The following HDAC10 variants were observed in gnomAD, a reference collection of about 807,000 sequenced individuals.
HDAC10 encodes the protein histone deacetylase 10.
HDAC10 carries 90 observed loss-of-function variants against 82.3 expected under a neutral mutation model. The observed-to-expected ratio is 1.09, with a 90% CI of 0.92 to 1.30. The LOEUF (loss-of-function observed/expected upper bound fraction) is 1.30, where lower values mean the gene tolerates loss of function less well. HDAC10 is among the 50% of genes most tolerant of loss of function. The pLI, the probability that HDAC10 is intolerant of heterozygous loss-of-function variation, is 0.00. For missense variants in HDAC10, 934 were observed against 876.3 expected (o/e 1.07, Z -0.83); for synonymous variants, 456 against 391.7 (o/e 1.16, Z -1.94).
Position 50,248,507 on chromosome 22 carries a change from A to G in HDAC10, c.907-35T>C, listed in dbSNP as rs752403430. 1 of 1,581,522 alleles carries G rather than the reference A, an allele frequency of 6.3e-7. No individual in the cohort carries two copies. Among genetic ancestry groups the G allele is most frequent in the Admixed American group, 1.7e-5 (1 of 57,616 alleles). Reference sequence around the variant, plus strand: ...GGGTGGAGACATGATTGGGGCAGAGATATCACTGGGATGGGATGTCACCGG... The same window carrying G: ...GGGTGGAGACATGATTGGGGCAGAGGTATCACTGGGATGGGATGTCACCGG... On this transcript the variant is annotated intron_variant, in intron 10 of 19. Transcript: ENST00000216271. The surrounding 1 kb of genome is among the most constrained non-coding windows in gnomAD (Gnocchi z 5.4).
rs1221881827 is a variant in HDAC10, at chr22:50,251,018, A to G, written c.15T>C (p.Leu5=). 1 of 1,611,842 alleles carries G rather than the reference A, an allele frequency of 6.2e-7. No homozygotes were observed. Among genetic ancestry groups the G allele is most frequent in the Admixed American group, 1.7e-5 (1 of 59,994 alleles). ...TGGCCGTCATGTCCTCATGGTACAC[A>G]AGCGCGGTCCCCATGGCTGCGCCGT... The part of the protein sequence containing the change: MGTA[L]VYHEDMTATR... The change falls in exon 1 of 20, where the codon CTT becomes CTC. Residue 5 remains leucine, a synonymous_variant. Coordinates refer to ENST00000216271, the MANE Select transcript of HDAC10 (RefSeq NM_032019.6).
At position 50,248,267 on chromosome 22, in the gene HDAC10, G is replaced by A. The variant is rs775058529; in HGVS notation, c.1039C>T (p.Arg347Cys). The A allele has an allele frequency of 3.6e-5, 58 of 1,612,334 alleles. No homozygotes were observed. Among genetic ancestry groups the A allele is most frequent in the Admixed American group, 5.0e-5 (3 of 59,984 alleles). Residue 347 changes from arginine (R) to cysteine (C), a missense_variant, in exon 12 of 20, where the codon CGT (arginine) becomes TGT (cysteine). Physicochemically the swap from Arg to Cys is radical, Grantham distance 180. Coordinates refer to ENST00000216271, the MANE Select transcript of HDAC10 (RefSeq NM_032019.6). The surrounding 1 kb of genome is among the most constrained non-coding windows in gnomAD (Gnocchi z 5.4). ...TTCCAGTGCGGGGCCTGGGCAGCACGGGCACTCTGGATGGACTCTAGGGCA... is the reference window on the plus strand; with the variant it reads ...TTCCAGTGCGGGGCCTGGGCAGCACAGGCACTCTGGATGGACTCTAGGGCA... ...QSALESIQSA[R>C]AAQAPHWKSL... is the part of the protein sequence containing the mutation.
intron 2 of HDAC10, 28 bp from the exon 3 acceptor site, chr22:50,250,551 G>A: frequency 1.3e-6 from 2 of 1,571,666 alleles, no homozygotes; most frequent in Non-Finnish European, 1.7e-6. Flanking sequence ...GGCAGGAGAG[G>A]CAGGGTCACC....
At position 50,250,415 on chromosome 22, in the gene HDAC10, G is replaced by C. The variant is rs375689591; in HGVS notation, c.291+12C>G. ...TGTGTCTGCACAGGTGAGTGTGTCC[G>C]GGGACACGCACCGGGTGGAAGTAGA... is the stretch of plus-strand genomic sequence containing the variant. On this transcript the variant is annotated intron_variant, in intron 3 of 19. Transcript: ENST00000216271. 9 of 1,610,314 alleles carry C rather than the reference G, an allele frequency of 5.6e-6. No individual in the cohort carries two copies. Among genetic ancestry groups the C allele is most frequent in the Non-Finnish European group, 7.6e-6 (9 of 1,177,562 alleles).
In HDAC10 at chr22:50,249,606, G is replaced by A. The variant is rs754862734; in HGVS notation, c.563+29C>T. 8 of 1,612,004 alleles carry A rather than the reference G, an allele frequency of 5.0e-6. No homozygotes were observed. The East Asian group carries it at 1.3e-4, about 27-fold the overall frequency. ...GTGCACCCAAAAACTGGGGCTGCAG[G>A]GAAGGGTGGTTTCCGCACCCCTGCT... On this transcript the variant is annotated intron_variant, in intron 6 of 19. Coordinates refer to ENST00000216271, the MANE Select transcript of HDAC10 (RefSeq NM_032019.6). This position sits in a 1 kb window ranked among gnomAD's most constrained non-coding sequence, Gnocchi z 4.4.
At position 50,250,169 on chromosome 22, in the gene HDAC10, G is replaced by C. The variant is rs759040844; in HGVS notation, c.292-9C>G. On this transcript the variant is annotated splice_polypyrimidine_tract_variant and intron_variant, in intron 3 of 19. Coordinates refer to ENST00000216271, the MANE Select transcript of HDAC10 (RefSeq NM_032019.6). Reference sequence around the variant, plus strand: ...GCGCAGTGAAAGGTACTCTGTGGGCGCAGGGGCGCAGATGAGCCCCCTGCC... The same window carrying C: ...GCGCAGTGAAAGGTACTCTGTGGGCCCAGGGGCGCAGATGAGCCCCCTGCC... The C allele has an allele frequency of 6.2e-7, 1 of 1,608,722 alleles. No homozygotes were observed. Among genetic ancestry groups the C allele is most frequent in the Non-Finnish European group, 8.5e-7 (1 of 1,178,240 alleles).
chr22:50,249,076 C>A lies in HDAC10; in HGVS notation c.756+27G>T. On this transcript the variant is annotated intron_variant, in intron 8 of 19. Transcript: ENST00000216271. This position sits in a 1 kb window ranked among gnomAD's most constrained non-coding sequence, Gnocchi z 4.4. ...ACAAGGTCCCCCTCCCACCCGGCTG[C>A]CCTGGGGGAGCCCTCCGTGCAGTCA... The A allele has an allele frequency of 6.4e-7, 1 of 1,573,008 alleles. No homozygotes were observed.
rs1319937038 is a variant in HDAC10, at chr22:50,249,705, T to C, written c.495-2A>G. 1 of 1,612,662 alleles carries C rather than the reference T, an allele frequency of 6.2e-7. No individual in the cohort carries two copies. The highest frequency in any genetic ancestry group is 8.5e-7 in the Non-Finnish European group (1 of 1,179,934). On this transcript the variant is annotated splice_acceptor_variant, in intron 5 of 19. Transcript: ENST00000216271. LOFTEE classifies it high-confidence loss of function. This position sits in a 1 kb window ranked among gnomAD's most constrained non-coding sequence, Gnocchi z 4.4. ...ACATCCCAGTCCACGACGAGGATCC[T>C]GGGTACAGACAGCGCTGGTGGCAAA... is the stretch of plus-strand genomic sequence containing the variant.
Position 50,248,919 on chromosome 22 carries a change from C to T in HDAC10, c.757-29G>A, listed in dbSNP as rs772345700. On this transcript the variant is annotated intron_variant, in intron 8 of 19. Transcript: ENST00000216271. This position sits in a 1 kb window ranked among gnomAD's most constrained non-coding sequence, Gnocchi z 5.4. ...CAGGCCAGGCCGGAGTGGGGAGGGT[C>T]GACAGAGAGGGGCTGGAGCCCAGGT... is the stretch of plus-strand genomic sequence containing the variant. 13 of 1,603,720 alleles carry T rather than the reference C, an allele frequency of 8.1e-6. No homozygotes were observed. Among genetic ancestry groups the T allele is most frequent in the Admixed American group, 5.1e-5 (3 of 58,938 alleles).
At chr22:50,247,353 G>A in intron 14 of HDAC10, 3 of 319,148 alleles carry the variant, frequency 9.4e-6, no homozygotes, top group Admixed American at 9.2e-5. Flanking sequence ...GGCTGGTCTT[G>A]AACTCCTGGG....
At position 50,251,070 on chromosome 22, in the gene HDAC10, C is replaced by T. The variant is rs1282554852; in HGVS notation, c.-38G>A. On this transcript the variant is annotated 5_prime_UTR_variant, in exon 1 of 20. Coordinates refer to ENST00000216271, the MANE Select transcript of HDAC10 (RefSeq NM_032019.6). ...GTCACCCTGGGTTCCCAAACGCCCT[C>T]GCTAGTGGTGCCTGCCACTGCCTGT... 5.7e-6 allele frequency: 9 copies of T among 1,582,558 alleles called. No individual in the cohort carries two copies. The highest frequency in any genetic ancestry group is 7.8e-6 in the Non-Finnish European group (9 of 1,160,480).
intron 14 of HDAC10, 171 bp downstream of exon 14, chr22:50,247,521 G>C (rs910938840): frequency 1.8e-6 from 1 of 544,542 alleles, no homozygotes; most frequent in African/African-American, 1.9e-5. Flanking sequence ...ACACACTAGT[G>C]ATCCCCACCC....
Position 50,250,509 on chromosome 22 carries a change from G to T in HDAC10, c.209C>A (p.Ser70Tyr). The change falls in exon 3 of 20, where the codon TCC becomes TAC. Residue 70 changes from serine (S) to tyrosine (Y), a missense_variant. Coordinates refer to ENST00000216271, the MANE Select transcript of HDAC10 (RefSeq NM_032019.6). ...LGLVHSPEYV[S>Y]LVRETQVLGK... ...TAGGACCTGGGTCTCCCTGACCAGGGATACATACTCTGGGCTGCATGCAGA... is the reference window on the plus strand; with the variant it reads ...TAGGACCTGGGTCTCCCTGACCAGGTATACATACTCTGGGCTGCATGCAGA... 6.2e-7 allele frequency: 1 copy of T among 1,612,002 alleles called. No homozygotes were observed. Among genetic ancestry groups the T allele is most frequent in the South Asian group, 1.1e-5 (1 of 91,072 alleles).
Position 50,247,782 on chromosome 22 carries a change from G to C in HDAC10, c.1338-6C>G. 1 of 1,612,770 alleles carries C rather than the reference G, an allele frequency of 6.2e-7. No individual in the cohort carries two copies. The highest frequency in any genetic ancestry group is 8.5e-7 in the Non-Finnish European group (1 of 1,179,778). ...GGGCCAGGGACTCGTGTGGCCTGTG[G>C]TGGACAGACCAGAGGGACACACAGA... On this transcript the variant is annotated splice_polypyrimidine_tract_variant and splice_region_variant and intron_variant, in intron 13 of 19. Coordinates refer to ENST00000216271, the MANE Select transcript of HDAC10 (RefSeq NM_032019.6).
chr22:50,246,229 A>G, intron 17 of HDAC10, 69 bp downstream of exon 17: 2 of 1,526,982 alleles, frequency 1.3e-6, no homozygotes, highest in Non-Finnish European at 1.8e-6. Context: ...TGACAATGCC[A>G]GCAAACAGCA....
Position 50,246,368 on chromosome 22 carries a change from A to G in HDAC10, c.1580T>C (p.Leu527Pro), listed in dbSNP as rs1198069569. 1.2e-6 allele frequency: 2 copies of G among 1,612,236 alleles called. No individual in the cohort carries two copies. The highest frequency in any genetic ancestry group is 1.7e-6 in the Non-Finnish European group (2 of 1,179,716). ...PPDLAHDGRSLWLNIRGKEAA... is the reference protein window; with the variant it reads ...PPDLAHDGRSPWLNIRGKEAA... ...CTCCTTGCCCCTGATGTTCAGCCAC[A>G]GACTCCTCCTTCCAGGACACAGGTG... is the stretch of plus-strand genomic sequence containing the variant. Residue 527 changes from leucine to proline, a missense_variant, in exon 17 of 20, where the codon CTG (leucine) becomes CCG (proline). Transcript: ENST00000216271.
intron 1 of HDAC10, 32 bp from the exon 2 acceptor site, chr22:50,250,937 C>T (rs1165206439): frequency 6.2e-7 from 1 of 1,609,386 alleles, no homozygotes; most frequent in African/African-American, 1.3e-5. Context: ...GTTCAGAGGT[C>T]CCTCCCCGCA....
rs2065078929 is a variant in HDAC10 at position 50,251,011 on chromosome 22, G to A, written c.22C>T (p.His8Tyr). ...AGCCGGGTGGCCGTCATGTCCTCAT[G>A]GTACACAAGCGCGGTCCCCATGGCT... The part of the protein sequence containing the change: MGTALVY[H>Y]EDMTATRLLW... The change falls in exon 1 of 20, where the codon CAT (histidine) becomes TAT (tyrosine). Residue 8 changes from histidine to tyrosine, a missense_variant. Physicochemically the swap from His to Tyr is moderately conservative, Grantham distance 83 (BLOSUM62 2). Coordinates refer to ENST00000216271, the MANE Select transcript of HDAC10 (RefSeq NM_032019.6). 1.2e-6 allele frequency: 2 copies of A among 1,612,316 alleles called. No individual in the cohort carries two copies. Among genetic ancestry groups the A allele is most frequent in the East Asian group, 2.2e-5 (1 of 44,858 alleles).
chr22:50,246,160 A>C (rs2064939505), intron 17 of HDAC10, 68 bp from the exon 18 acceptor site: 1 of 1,549,814 alleles, frequency 6.5e-7, no homozygotes, highest in Non-Finnish European at 8.8e-7. Context: ...CCAACCTCCC[A>C]ATCTCAGGGC....
Sources: gnomAD v4.1 joint callset for allele counts on GRCh38, gnomAD v4.1.1 for gene constraint, Gnocchi (gnomAD v3.1) non-coding constraint, MANE v1.5 for transcripts, NCBI Gene and HGNC (gene_info 2026-07-23, HGNC 2026-07-21) for gene names.